The following EYS variants were observed in gnomAD, a reference collection of about 807,000 sequenced individuals.
EYS encodes EGF-like photoreceptor maintenance factor, also known as protein eyes shut homolog.
In EYS, 250 loss-of-function variants were observed where a neutral mutation model predicts 282.1. That is an observed-to-expected ratio of 0.89 (90% CI 0.80 to 0.98). EYS has a LOEUF of 0.98. Ranked by LOEUF, EYS falls within the 50% of genes least tolerant of loss-of-function variation. EYS has a pLI of 0.00. For synonymous variants in EYS, 1,355 were observed against 1,282.9 expected, an observed-to-expected ratio of 1.06 and a Z score of -1.20; for missense variants, 4,016 against 3,709.0, an observed-to-expected ratio of 1.08 and a Z score of -2.15.
At chr6:65,486,020 TC>T (rs1054573145) in intron 5 of EYS, among the ~76,000 whole-genome samples, 1 of 152,220 alleles carries the variant, frequency 6.6e-6, no homozygotes, top group Admixed American at 6.5e-5. Context: ...AGTTATTGGT[TC>T]CTGTGGTGAA....
intron 35 of EYS, among the ~76,000 whole-genome samples, chr6:63,954,874 A>T (rs1765747686): frequency 6.6e-6 from 1 of 151,916 alleles, no homozygotes; most frequent in South Asian, 2.1e-4. Context: ...AACTCTTAGA[A>T]CCTCTCATTT....
intron 30 of EYS, among the ~76,000 whole-genome samples, chr6:64,287,048 C>T (rs371033155): frequency 6.6e-6 from 1 of 152,122 alleles, no homozygotes; most frequent in Non-Finnish European, 1.5e-5. Context: ...AAAACTCCAA[C>T]CTTTATTTTC....
chr6:64,396,211 T>C (rs1248058399), intron 28 of EYS, among the ~76,000 whole-genome samples: 1 of 152,182 alleles, frequency 6.6e-6, no homozygotes, highest in African/African-American at 2.4e-5. Context: ...CAAATTATTC[T>C]AATGTTGGTA....
chr6:65,314,503 A>T (rs1562090918), intron 11 of EYS, among the ~76,000 whole-genome samples: 1 of 139,862 alleles, frequency 7.1e-6, no homozygotes, highest in African/African-American at 2.7e-5. Flanking sequence ...TGTCTTCATC[A>T]ATCCTTAAAG....
intron 12 of EYS, among the ~76,000 whole-genome samples, chr6:65,107,068 G>A (rs1775060921): frequency 6.6e-6 from 1 of 151,816 alleles, no homozygotes; most frequent in Admixed American, 6.6e-5. Context: ...ATATCTTAAG[G>A]AAACACCAGC....
At chr6:64,693,042 G>A (rs1770451168) in intron 22 of EYS, among the ~76,000 whole-genome samples, 1 of 74,382 alleles carries the variant, frequency 1.3e-5, no homozygotes, top group Non-Finnish European at 3.0e-5. Context: ...TAATTCTGTG[G>A]AGAATATTGT....
chr6:65,148,977 AC>A (rs1764548360), intron 12 of EYS, among the ~76,000 whole-genome samples: 1 of 152,050 alleles, frequency 6.6e-6, no homozygotes, highest in South Asian at 2.1e-4. Context: ...CTGAGGCTGC[AC>A]GGAGTGGGGA....
chr6:65,520,880 G>GGGTAGTCCAATA (rs977268234), intron 2 of EYS, among the ~76,000 whole-genome samples: 4 of 151,964 alleles, frequency 2.6e-5, no homozygotes, highest in African/African-American at 7.2e-5. Context: ...TCCAATTTTA[G>GGGTAGTCCAATA]TGCTTGATTG....
At chr6:65,070,251 A>G (rs1773866095) in intron 12 of EYS, among the ~76,000 whole-genome samples, 1 of 151,952 alleles carries the variant, frequency 6.6e-6, no homozygotes, top group African/African-American at 2.4e-5. Context: ...CTCTCTCTTG[A>G]AACACAAATA....
At chr6:64,345,360 C>T (rs1219542117) in intron 29 of EYS, among the ~76,000 whole-genome samples, 1 of 151,712 alleles carries the variant, frequency 6.6e-6, no homozygotes, top group Non-Finnish European at 1.5e-5. Context: ...GAGATGTAGA[C>T]CAATGGAACA....
At chr6:64,544,201 T>C (rs1044952640) in intron 26 of EYS, among the ~76,000 whole-genome samples, 2 of 152,214 alleles carry the variant, frequency 1.3e-5, no homozygotes, top group Admixed American at 6.5e-5. Flanking sequence ...TTGAGAATTT[T>C]TCTTTTTAAC....
intron 35 of EYS, among the ~76,000 whole-genome samples, chr6:63,876,691 C>T (rs1330544180): frequency 6.6e-6 from 1 of 152,120 alleles, no homozygotes; most frequent in Admixed American, 6.6e-5. Flanking sequence ...TTAGCTTTTC[C>T]TGTTGAATTG....
At chr6:64,662,574 AG>A (rs1391161082) in intron 22 of EYS, among the ~76,000 whole-genome samples, 3 of 152,190 alleles carry the variant, frequency 2.0e-5, no homozygotes, top group Non-Finnish European at 2.9e-5. Flanking sequence ...TTAAACTCCC[AG>A]TGAATACACA....
chr6:64,370,855 T>C (rs1772344801), intron 29 of EYS, among the ~76,000 whole-genome samples: 2 of 152,166 alleles, frequency 1.3e-5, no homozygotes, highest in Non-Finnish European at 2.9e-5. Context: ...TTCTGTGGGT[T>C]CAGTGGCAAT....
chr6:65,386,597 T>A (rs1186832895), intron 7 of EYS, among the ~76,000 whole-genome samples: 3 of 151,882 alleles, frequency 2.0e-5, no homozygotes, highest in Non-Finnish European at 4.4e-5. Context: ...CATTTAAGAA[T>A]GTAAAACAGA....
In EYS at chr6:65,177,396, G is replaced by A. The variant is rs57663905; in HGVS notation, c.2023+118467C>T. Among the ~76,000 whole-genome samples the A allele has an allele frequency of 2.2e-3, 335 of 151,924 alleles. 2 individuals carry two copies. Among genetic ancestry groups the A allele is most frequent in the African/African-American group, 7.7e-3 (321 of 41,510 alleles). ...GGCATTATGTTAATATCTTTCTAAT[G>A]TGTTAGAATAAATATTCTATTTTAT... On this transcript the variant is annotated intron_variant, in intron 12 of 42. Coordinates refer to ENST00000503581, the MANE Select transcript of EYS (RefSeq NM_001142800.2).
At chr6:64,696,252 G>A (rs542910238) in intron 22 of EYS, among the ~76,000 whole-genome samples, 45 of 152,136 alleles carry the variant, frequency 3.0e-4, no homozygotes, top group Admixed American at 1.8e-3. Flanking sequence ...AGAATAGACC[G>A]AGCACAAGAA....
At chr6:64,632,260 T>C (rs539076336) in intron 22 of EYS, among the ~76,000 whole-genome samples, 1 of 151,828 alleles carries the variant, frequency 6.6e-6, no homozygotes, top group South Asian at 2.1e-4. Flanking sequence ...TCTTCTTTTT[T>C]AATAATTAGT....
Position 63,902,668 on chromosome 6 carries a change from T to C in EYS, c.7056-38310A>G, listed in dbSNP as rs12663484. The stretch of plus-strand genomic sequence containing the variant: ...AATTACATTAGTATTCTGAAATAGA[T>C]TGTGGTAAATTAAGATGCACATTGT... On this transcript the variant is annotated intron_variant, in intron 35 of 42. Coordinates refer to ENST00000503581, the MANE Select transcript of EYS (RefSeq NM_001142800.2). Among the ~76,000 whole-genome samples the C allele has an allele frequency of 9.2e-5, 14 of 152,266 alleles. 1 individual carries two copies. The East Asian group carries it at 2.7e-3, about 29-fold the overall frequency.
Sources: allele counts gnomAD v4.1 joint callset (sites outside exome capture counted in the v4.1 genomes callset), GRCh38; gene constraint gnomAD v4.1.1; transcripts MANE v1.5; gene names NCBI Gene and HGNC (gene_info 2026-07-23, HGNC 2026-07-21).